Variants in WDR70 observed in about 807,000 individuals in gnomAD.
WDR70 encodes the protein WD repeat domain 70.
Under a neutral mutation model 88.6 loss-of-function variants are expected in WDR70, and 53 were observed. The ratio of observed to expected loss-of-function variants is 0.60; its 90% confidence interval spans 0.48 to 0.75. The LOEUF (loss-of-function observed/expected upper bound fraction) is 0.75. WDR70 is among the 30% of genes least tolerant of loss of function. WDR70 has a pLI of 0.00. For missense variants in WDR70, 610 were observed against 823.2 expected (o/e 0.74, Z 3.17); for synonymous variants, 280 against 270.0 (o/e 1.04, Z -0.36).
intron 9 of WDR70, among the ~76,000 whole-genome samples, chr5:37,589,110 C>G (rs1743448747): frequency 6.6e-6 from 1 of 151,946 alleles, no homozygotes; most frequent in Non-Finnish European, 1.5e-5. Context: ...TCAGGCTGGT[C>G]TAGAACTCCT....
intron 9 of WDR70, among the ~76,000 whole-genome samples, chr5:37,519,594 C>G (rs1741019669): frequency 2.7e-5 from 4 of 148,302 alleles, no homozygotes; most frequent in Non-Finnish European, 4.5e-5. Flanking sequence ...AGAGGCGCTC[C>G]TCACCTCCCA....
At chr5:37,624,699 G>T (rs553703224) in intron 10 of WDR70, among the ~76,000 whole-genome samples, 1 of 152,294 alleles carries the variant, frequency 6.6e-6, no homozygotes, top group South Asian at 2.1e-4. Context: ...AAAGATACAG[G>T]GGAAATTGTC....
At chr5:37,471,499 G>T (rs1021590183) in intron 7 of WDR70, among the ~76,000 whole-genome samples, 15 of 151,306 alleles carry the variant, frequency 9.9e-5, no homozygotes, top group African/African-American at 3.7e-4. Context: ...TTAAAAATAT[G>T]GTGGATCTAG....
intron 7 of WDR70, among the ~76,000 whole-genome samples, chr5:37,450,802 T>C (rs1419096668): frequency 6.6e-6 from 1 of 152,208 alleles, no homozygotes; most frequent in Non-Finnish European, 1.5e-5. Flanking sequence ...AGGTCACAAA[T>C]GGTCTTTGTT....
intron 10 of WDR70, among the ~76,000 whole-genome samples, chr5:37,672,837 C>T (rs776200412): frequency 3.3e-5 from 5 of 152,118 alleles, no homozygotes; most frequent in South Asian, 4.1e-4. Flanking sequence ...CTCAGTCTCT[C>T]GTCCCACCTG....
chr5:37,675,088 TC>T (rs1746159982), intron 10 of WDR70, among the ~76,000 whole-genome samples: 1 of 152,124 alleles, frequency 6.6e-6, no homozygotes, highest in Non-Finnish European at 1.5e-5. Context: ...TTGTTTGTTT[TC>T]TTCTTGTAAA....
intron 10 of WDR70, among the ~76,000 whole-genome samples, chr5:37,672,405 C>T (rs1358436205): frequency 3.9e-5 from 6 of 152,052 alleles, no homozygotes; most frequent in South Asian, 2.1e-4. Flanking sequence ...TCCCTGGGAA[C>T]GAATGTCTAG....
intron 10 of WDR70, among the ~76,000 whole-genome samples, chr5:37,619,276 TAAA>T (rs11314714): frequency 5.7e-5 from 8 of 140,470 alleles, no homozygotes; most frequent in African/African-American, 1.8e-4. Flanking sequence ...CCCTAATTCT[TAAA>T]AAAAAAAAAA....
chr5:37,695,093 C>A (rs1014182202), intron 10 of WDR70, among the ~76,000 whole-genome samples: 1 of 152,060 alleles, frequency 6.6e-6, no homozygotes, highest in African/African-American at 2.4e-5. Flanking sequence ...TGTGGGGATG[C>A]CTCAGGAAAC....
At chr5:37,413,261 G>C (rs1490048720) in intron 5 of WDR70, among the ~76,000 whole-genome samples, 2 of 151,906 alleles carry the variant, frequency 1.3e-5, no homozygotes, top group African/African-American at 2.4e-5. Context: ...GTCTATAGTG[G>C]AAGGAAAAAA....
intron 7 of WDR70, among the ~76,000 whole-genome samples, chr5:37,451,971 C>T (rs896573656): frequency 2.6e-5 from 4 of 152,012 alleles, no homozygotes; most frequent in Non-Finnish European, 4.4e-5. Context: ...TCCAGCCTGG[C>T]AACAGAGTGA....
At chr5:37,407,780 T>G (rs1304898273) in intron 5 of WDR70, among the ~76,000 whole-genome samples, 2 of 151,882 alleles carry the variant, frequency 1.3e-5, no homozygotes, top group East Asian at 3.9e-4. Flanking sequence ...CCTCCTGCCT[T>G]GGCCTCCCCA....
chr5:37,739,363 A>G (rs547726774), intron 17 of WDR70, among the ~76,000 whole-genome samples: 9 of 152,248 alleles, frequency 5.9e-5, no homozygotes, highest in African/African-American at 1.9e-4. Context: ...CAATCCCTTT[A>G]TAGGCTTTTG....
chr5:37,743,417 A>G (rs1748543421), intron 17 of WDR70, among the ~76,000 whole-genome samples: 1 of 152,210 alleles, frequency 6.6e-6, no homozygotes, highest in Non-Finnish European at 1.5e-5. Flanking sequence ...CCGAATTCCC[A>G]GGGGAAGGGG....
chr5:37,524,709 C>A (rs972317218), intron 9 of WDR70, among the ~76,000 whole-genome samples: 70 of 152,150 alleles, frequency 4.6e-4, no homozygotes, highest in African/African-American at 1.6e-3. Context: ...GAGTCAAGGC[C>A]CATCAGTGTG....
intron 10 of WDR70, among the ~76,000 whole-genome samples, chr5:37,686,951 A>AAATAATAATAATAATAATAAT (rs70978838): frequency 1.4e-5 from 2 of 143,082 alleles, no homozygotes; most frequent in African/African-American, 5.2e-5. Context: ...CTCTGTCTCA[A>AAATAATAATAATAATAATAAT]AATAATAATA....
At chr5:37,436,742 A>G (rs1408281584) in intron 5 of WDR70, among the ~76,000 whole-genome samples, 1 of 152,176 alleles carries the variant, frequency 6.6e-6, no homozygotes, top group Admixed American at 6.5e-5. Flanking sequence ...ATTGAGCAAT[A>G]AATTTTAGGG....
rs763371456 is a variant in WDR70 at position 37,443,324 on chromosome 5, G to C, written c.638G>C (p.Gly213Ala). 4 of 1,613,892 alleles carry C rather than the reference G, an allele frequency of 2.5e-6. No individual in the cohort carries two copies. The South Asian group carries it at 3.3e-5, about 13-fold the overall frequency. The change falls in exon 7 of 18, where the codon GGA becomes GCA. Residue 213 changes from glycine to alanine, a missense_variant. By Grantham distance (60) the Gly-to-Ala change is moderately conservative. This residue lies in a region of WDR70 where 83 missense variants were observed against 155.3 expected (regional missense o/e 0.53). Coordinates refer to ENST00000265107, the MANE Select transcript of WDR70 (RefSeq NM_018034.4). ...GATGTTAAGTTTTGGGATTTTGCTGGAATGGATGCTTCTTTTAAGGCATTT... is the reference window on the plus strand; with the variant it reads ...GATGTTAAGTTTTGGGATTTTGCTGCAATGGATGCTTCTTTTAAGGCATTT... ...DYDVKFWDFAGMDASFKAFRS... is the reference protein window; with the variant it reads ...DYDVKFWDFAAMDASFKAFRS...
intron 7 of WDR70, among the ~76,000 whole-genome samples, chr5:37,443,804 A>G (rs1581282478): frequency 6.6e-6 from 1 of 152,090 alleles, no homozygotes; most frequent in South Asian, 2.1e-4. Flanking sequence ...GTGAGCTGAG[A>G]TTGTGCCACT....
Sources: gnomAD v4.1 joint callset for allele counts (sites outside exome capture counted in the v4.1 genomes callset) on GRCh38, gnomAD v4.1.1 for gene constraint, gnomAD v4.1.1 regional missense constraint, MANE v1.5 for transcripts, NCBI Gene and HGNC (gene_info 2026-07-23, HGNC 2026-07-21) for gene names.